The following RARB variants were observed in gnomAD, a reference collection of about 807,000 sequenced individuals.
RARB encodes retinoic acid receptor beta.
A neutral mutation model predicts 51.9 loss-of-function variants in RARB; 17 were observed. The ratio of observed to expected loss-of-function variants is 0.33; its 90% CI spans 0.22 to 0.49. The LOEUF (loss-of-function observed/expected upper bound fraction) is 0.49. RARB is among the 20% of genes least tolerant of loss of function. RARB has a pLI of 0.99. For synonymous variants in RARB, 215 were observed against 195.4 expected (o/e 1.10, Z -0.84); for missense variants, 369 against 550.8 (o/e 0.67, Z 3.30).
chr3:24,830,248 T>C (rs934574159), intron 1 of RARB, among the ~76,000 whole-genome samples: 6 of 150,736 alleles, frequency 4.0e-5, no homozygotes, highest in African/African-American at 7.3e-5. Context: ...TTGGAATCTA[T>C]GTAATTGCAG....
intron 1 of RARB, among the ~76,000 whole-genome samples, chr3:25,441,891 C>T (rs1708702540): frequency 6.6e-6 from 1 of 152,076 alleles, no homozygotes; most frequent in South Asian, 2.1e-4. Context: ...GTCTATGATC[C>T]TCAGTAAACT....
chr3:25,048,043 T>C (rs1243455548), intron 2 of RARB, among the ~76,000 whole-genome samples: 1 of 152,232 alleles, frequency 6.6e-6, no homozygotes, highest in Non-Finnish European at 1.5e-5. Context: ...ATGTAAGATG[T>C]GCCTTTGCTT....
chr3:25,007,343 T>TGGCC (rs1360617975), intron 2 of RARB, among the ~76,000 whole-genome samples: 2 of 152,026 alleles, frequency 1.3e-5, no homozygotes, highest in Non-Finnish European at 2.9e-5. Context: ...ACCACACTCA[T>TGGCC]GGCCGGGTGT....
At chr3:25,430,969 A>G (rs1463723502) in intron 1 of RARB, among the ~76,000 whole-genome samples, 2 of 135,876 alleles carry the variant, frequency 1.5e-5, no homozygotes, top group Admixed American at 1.4e-4. Flanking sequence ...TTTTTTTTTT[A>G]GCATAAATAA....
chr3:25,364,780 C>T (rs1350661274), intron 5 of RARB, among the ~76,000 whole-genome samples: 2 of 152,168 alleles, frequency 1.3e-5, no homozygotes, highest in Admixed American at 1.3e-4. Flanking sequence ...TATAACTTTG[C>T]ACAATTTATT....
intron 5 of RARB, among the ~76,000 whole-genome samples, chr3:25,342,760 G>A (rs1257044857): frequency 6.6e-6 from 1 of 152,018 alleles, no homozygotes; most frequent in South Asian, 2.1e-4. Flanking sequence ...TTTTTTTCAT[G>A]GTCTTTTTAA....
At chr3:25,163,504 A>AATATATATAT (rs138389529) in intron 4 of RARB, among the ~76,000 whole-genome samples, 1,747 of 130,430 alleles carry the variant, frequency 0.013, 19 homozygotes, top group Non-Finnish European at 0.018. Flanking sequence ...CCTATCTCAA[A>AATATATATAT]ATATATATAT....
chr3:24,890,603 C>T (rs1274241747), intron 2 of RARB, among the ~76,000 whole-genome samples: 1 of 152,084 alleles, frequency 6.6e-6, no homozygotes, highest in Non-Finnish European at 1.5e-5. Flanking sequence ...GCAACTACCC[C>T]TCAAAAGAAA....
intron 5 of RARB, among the ~76,000 whole-genome samples, chr3:25,204,288 G>C (rs1701472338): frequency 6.6e-6 from 1 of 152,130 alleles, no homozygotes; most frequent in Non-Finnish European, 1.5e-5. Flanking sequence ...GGTCCTTTAA[G>C]GACTTCTCTG....
intron 3 of RARB, among the ~76,000 whole-genome samples, chr3:25,506,183 G>C (rs1249541526): frequency 6.7e-6 from 1 of 150,268 alleles, no homozygotes; most frequent in Non-Finnish European, 1.5e-5. Flanking sequence ...AACTTGGGAG[G>C]CGGAGGTTGC....
chr3:25,110,064 C>T (rs139328124), intron 3 of RARB, among the ~76,000 whole-genome samples: 1 of 152,126 alleles, frequency 6.6e-6, no homozygotes, highest in African/African-American at 2.4e-5. Flanking sequence ...GACATTAAAT[C>T]CTGTCTGTTA....
At chr3:25,538,051 C>G (rs1451317823) in intron 3 of RARB, among the ~76,000 whole-genome samples, 3 of 152,164 alleles carry the variant, frequency 2.0e-5, no homozygotes, top group African/African-American at 7.2e-5. Flanking sequence ...TCCAAGTAAT[C>G]AGTTAGATTT....
At chr3:25,100,108 G>A (rs1699371966) in intron 3 of RARB, among the ~76,000 whole-genome samples, 1 of 151,970 alleles carries the variant, frequency 6.6e-6, no homozygotes. Flanking sequence ...ATTCATCCCT[G>A]GATTGATTGT....
rs115662752 is a variant in RARB at position 25,536,552 on chromosome 3, G to T, written c.449-33206G>T. 4.7e-3 allele frequency among the ~76,000 whole-genome samples: 723 copies of T among 152,276 alleles called. 8 individuals carry two copies. Among genetic ancestry groups the T allele is most frequent in the African/African-American group, 0.017 (691 of 41,546 alleles). On this transcript the variant is annotated intron_variant, in intron 3 of 7. Transcript: ENST00000330688. ...ATGTTTTAAATCAAACCATTCGTTA[G>T]AAAGTAGAGTACAAACCTAGATAAG...
At chr3:25,550,804 T>C (rs1699818976) in intron 3 of RARB, among the ~76,000 whole-genome samples, 1 of 152,142 alleles carries the variant, frequency 6.6e-6, no homozygotes, top group Admixed American at 6.6e-5. Context: ...GTGTTCTCAT[T>C]GTTCAGCTCC....
intron 3 of RARB, among the ~76,000 whole-genome samples, chr3:25,560,878 T>C (rs13091376): frequency 6.6e-6 from 1 of 152,246 alleles, no homozygotes; most frequent in Non-Finnish European, 1.5e-5. Context: ...GTTTCTTTAG[T>C]GGCTACAGGA....
chr3:25,296,642 A>C (rs1343982766), intron 5 of RARB, among the ~76,000 whole-genome samples: 3 of 152,102 alleles, frequency 2.0e-5, no homozygotes, highest in Non-Finnish European at 4.4e-5. Context: ...GGATTACTGG[A>C]GGGGGAAAAA....
At chr3:25,296,814 C>T (rs374449317) in intron 5 of RARB, among the ~76,000 whole-genome samples, 133 of 152,274 alleles carry the variant, frequency 8.7e-4, no homozygotes, top group African/African-American at 3.1e-3. Context: ...TGCCTGAATC[C>T]ATAATATATT....
chr3:25,562,855 T>C (rs2125680329), intron 3 of RARB, among the ~76,000 whole-genome samples: 1 of 152,324 alleles, frequency 6.6e-6, no homozygotes, highest in Middle Eastern at 3.4e-3. Context: ...AAAATCTGCA[T>C]ATCAAAAAGT....
Sources: gnomAD v4.1 joint callset for allele counts (sites outside exome capture counted in the v4.1 genomes callset) on GRCh38, gnomAD v4.1.1 for gene constraint, MANE v1.5 for transcripts, NCBI Gene and HGNC (gene_info 2026-07-23, HGNC 2026-07-21) for gene names.